IRAG1: variants seen among roughly 807,000 people sequenced by gnomAD.
IRAG1 encodes inositol 1,4,5-triphosphate receptor associated 1.
A neutral mutation model predicts 106.2 loss-of-function variants in IRAG1; 62 were observed. That is an observed-to-expected ratio of 0.58 (90% confidence interval 0.48 to 0.72). IRAG1 has a LOEUF of 0.72. Among genes scored for constraint, IRAG1 ranks in the 30% least tolerant of loss-of-function variants. The pLI is 0.00. For missense variants in IRAG1, 1,064 were observed against 1,140.7 expected (o/e 0.93, Z 0.97); for synonymous variants, 462 against 443.9 (o/e 1.04, Z -0.51).
intron 2 of IRAG1, among the ~76,000 whole-genome samples, chr11:10,640,763 AC>A (rs1455937544): frequency 6.6e-6 from 1 of 152,192 alleles, no homozygotes; most frequent in Admixed American, 6.5e-5. Context: ...CAGACAACCT[AC>A]TGGCTTAGGG....
chr11:10,628,071 C>T lies in IRAG1; in HGVS notation c.653-46G>A, dbSNP rs1856393034. 1 of 1,605,246 alleles carries T rather than the reference C, an allele frequency of 6.2e-7. No individual in the cohort carries two copies. The highest frequency in any genetic ancestry group is 1.1e-5 in the South Asian group (1 of 90,192). On this transcript the variant is annotated intron_variant, in intron 6 of 20. Transcript: ENST00000423302. The surrounding 1 kb of genome is among the most constrained non-coding windows in gnomAD (Gnocchi z 4.1). ...GTGAGTGAGGCCCAGCAGCCCAGGC[C>T]CTCAGCTGTGCTTTCAGCCACATCT...
chr11:10,677,168 T>C (rs1331203312), intron 1 of IRAG1, among the ~76,000 whole-genome samples: 1 of 152,160 alleles, frequency 6.6e-6, no homozygotes, highest in Non-Finnish European at 1.5e-5. Flanking sequence ...TTCCCCACTC[T>C]GAAACGCTCC....
intron 10 of IRAG1, among the ~76,000 whole-genome samples, chr11:10,617,837 A>G (rs1855546238): frequency 6.6e-6 from 1 of 152,090 alleles, no homozygotes; most frequent in African/African-American, 2.4e-5. Flanking sequence ...GTCCACATTT[A>G]CTACCACCTC....
chr11:10,688,163 T>C (rs1169592434), intron 1 of IRAG1, among the ~76,000 whole-genome samples: 2 of 151,054 alleles, frequency 1.3e-5, no homozygotes, highest in African/African-American at 4.9e-5. Context: ...ACTGAACCCA[T>C]ATTACAGGAG....
chr11:10,627,772 G>A lies in IRAG1; in HGVS notation c.706-12C>T. ...GCCTCATCCCCCTTCTGCTGGAGAA[G>A]GTGAACAGGAGTCAGTCAGCAATGG... On this transcript the variant is annotated splice_polypyrimidine_tract_variant and intron_variant, in intron 7 of 20. Transcript: ENST00000423302. 1 of 1,613,966 alleles carries A rather than the reference G, an allele frequency of 6.2e-7. No individual in the cohort carries two copies. The highest frequency in any genetic ancestry group is 1.1e-5 in the South Asian group (1 of 91,084).
chr11:10,689,338 C>T (rs1176399705), intron 1 of IRAG1, among the ~76,000 whole-genome samples: 1 of 152,170 alleles, frequency 6.6e-6, no homozygotes, highest in South Asian at 2.1e-4. Context: ...CCGGCTGACC[C>T]TGGACAGTCG....
At chr11:10,690,393 T>C (rs770767458) in intron 1 of IRAG1, 1 of 1,285,258 alleles carries the variant, frequency 7.8e-7, no homozygotes, top group South Asian at 1.2e-5. Context: ...AAATGTTTCC[T>C]GTCCGACCAA....
intron 1 of IRAG1, among the ~76,000 whole-genome samples, chr11:10,685,127 T>C (rs1213976152): frequency 6.6e-6 from 1 of 152,178 alleles, no homozygotes. Flanking sequence ...TCTCCTATCA[T>C]ATACTGGCAC....
In IRAG1 at chr11:10,657,816, C is replaced by T. The variant is rs550568205; in HGVS notation, c.68-5634G>A. 1.7e-3 allele frequency among the ~76,000 whole-genome samples: 253 copies of T among 152,264 alleles called. 2 individuals carry two copies. Among genetic ancestry groups the T allele is most frequent in the Admixed American group, 3.1e-3 (48 of 15,302 alleles). ...GGGTGATGGAGGGACACTGAGAACT[C>T]ACCAGTCTTACCCCTGCACCCATTT... On this transcript the variant is annotated intron_variant, in intron 1 of 20. Coordinates refer to ENST00000423302, the MANE Select transcript of IRAG1 (RefSeq NM_130385.4). This position sits in a 1 kb window ranked among gnomAD's most constrained non-coding sequence, Gnocchi z 4.1.
At chr11:10,584,548 AATATATATATATATATATATATAT>A (rs56768282) in intron 18 of IRAG1, among the ~76,000 whole-genome samples, 1,102 of 98,586 alleles carry the variant, frequency 0.011, 34 homozygotes, top group Admixed American at 0.02. Flanking sequence ...TCTTTCATGA[AATATATATATATATATATATATAT>A]ATATATATAT....
Position 10,665,828 on chromosome 11 carries a change from C to T in IRAG1, c.68-13646G>A, listed in dbSNP as rs144023612. On this transcript the variant is annotated intron_variant, in intron 1 of 20. Transcript: ENST00000423302. This position sits in a 1 kb window ranked among gnomAD's most constrained non-coding sequence, Gnocchi z 4.2. ...AACTGCAGGATGGTGGGTGTGTACACAAGAAGACACGTGATAAAGTAAAAG... is the reference window on the plus strand; with the variant it reads ...AACTGCAGGATGGTGGGTGTGTACATAAGAAGACACGTGATAAAGTAAAAG... Among the ~76,000 whole-genome samples, 168 of 152,260 alleles carry T rather than the reference C, an allele frequency of 1.1e-3. 1 individual carries two copies. Among genetic ancestry groups the T allele is most frequent in the Middle Eastern group, 6.8e-3 (2 of 294 alleles).
chr11:10,630,334 C>A (rs1488753254), intron 4 of IRAG1, among the ~76,000 whole-genome samples: 1 of 151,866 alleles, frequency 6.6e-6, no homozygotes, highest in Non-Finnish European at 1.5e-5. Flanking sequence ...ATCTCTGGAG[C>A]CTGTTCCTCA....
chr11:10,643,274 C>A (rs1267899878), intron 2 of IRAG1, among the ~76,000 whole-genome samples: 3 of 151,370 alleles, frequency 2.0e-5, no homozygotes, highest in Admixed American at 6.6e-5. Context: ...AGCAGAAGTG[C>A]CTCTGCTGAG....
intron 1 of IRAG1, chr11:10,658,535 A>G (rs1273263936): frequency 6.4e-6 from 1 of 155,990 alleles, no homozygotes; most frequent in Non-Finnish European, 1.4e-5. Flanking sequence ...GCTCAGAGAG[A>G]CTCTGGTGTT....
chr11:10,690,605 G>A (rs754113127), intron 1 of IRAG1, among the ~76,000 whole-genome samples: 4 of 152,018 alleles, frequency 2.6e-5, no homozygotes, highest in African/African-American at 4.8e-5. Flanking sequence ...CCCTCTATTC[G>A]TGATTTTCCT....
intron 13 of IRAG1, 107 bp from the exon 14 acceptor site, chr11:10,603,358 T>C: frequency 6.1e-6 from 8 of 1,305,966 alleles, no homozygotes; most frequent in Non-Finnish European, 8.4e-6. Flanking sequence ...AGACAATTTT[T>C]CCACAAACCT....
At chr11:10,635,815 C>T (rs1478009593) in intron 2 of IRAG1, among the ~76,000 whole-genome samples, 1 of 152,170 alleles carries the variant, frequency 6.6e-6, no homozygotes, top group Non-Finnish European at 1.5e-5. Flanking sequence ...GAGCACCATG[C>T]TGCTTCTCTT....
At chr11:10,645,519 T>C (rs1346121958) in intron 2 of IRAG1, among the ~76,000 whole-genome samples, 1 of 152,336 alleles carries the variant, frequency 6.6e-6, no homozygotes, top group South Asian at 2.1e-4. Context: ...TTTCCCTTCA[T>C]CTGGATAAGA....
At chr11:10,683,853 T>TA (rs1460813365) in intron 1 of IRAG1, among the ~76,000 whole-genome samples, 2 of 150,484 alleles carry the variant, frequency 1.3e-5, no homozygotes, top group Admixed American at 6.6e-5. Context: ...AAAGAATACT[T>TA]ATTTAGGGAA....
Sources: allele counts gnomAD v4.1 joint callset (sites outside exome capture counted in the v4.1 genomes callset), GRCh38; gene constraint gnomAD v4.1.1; non-coding constraint Gnocchi (gnomAD v3.1); transcripts MANE v1.5; gene names NCBI Gene and HGNC (gene_info 2026-07-23, HGNC 2026-07-21).